Variants in C1orf198 observed in about 807,000 individuals in gnomAD.
C1orf198 encodes the protein chromosome 1 open reading frame 198.
C1orf198 carries 17 observed loss-of-function variants against 31.4 expected under a neutral mutation model. The ratio of observed to expected loss-of-function variants is 0.54; its 90% CI spans 0.37 to 0.81. C1orf198 has a LOEUF of 0.81. C1orf198 is among the 40% of genes least tolerant of loss of function. The pLI is 0.00. For synonymous variants in C1orf198, 175 were observed against 193.8 expected (o/e 0.90, Z 0.81); for missense variants, 401 against 450.3 (o/e 0.89, Z 0.99).
chr1:230,849,703 T>C (rs1038545933), intron 2 of C1orf198, among the ~76,000 whole-genome samples: 2 of 152,234 alleles, frequency 1.3e-5, no homozygotes, highest in Non-Finnish European at 2.9e-5. Flanking sequence ...CAAAACTAAC[T>C]GTTTGGCTTG....
intron 1 of C1orf198, among the ~76,000 whole-genome samples, chr1:230,858,649 G>T (rs905867428): frequency 2.2e-4 from 34 of 152,358 alleles, no homozygotes; most frequent in African/African-American, 8.2e-4. Context: ...GAAAGAGGAA[G>T]TGCATGAACA....
intron 3 of C1orf198, among the ~76,000 whole-genome samples, chr1:230,842,867 A>G (rs1373359298): frequency 1.3e-5 from 2 of 152,248 alleles, no homozygotes; most frequent in East Asian, 3.9e-4. Context: ...CAAGGCAGCC[A>G]GGAGCCCAGC....
intron 2 of C1orf198, among the ~76,000 whole-genome samples, chr1:230,844,918 A>G (rs1002460155): frequency 6.6e-6 from 1 of 152,208 alleles, no homozygotes; most frequent in African/African-American, 2.4e-5. Flanking sequence ...AAATCATTAC[A>G]TGGCAACCTA....
chr1:230,862,871 C>T (rs776016218), intron 1 of C1orf198, among the ~76,000 whole-genome samples: 3 of 152,168 alleles, frequency 2.0e-5, no homozygotes, highest in African/African-American at 7.2e-5. Context: ...GTGGTAACGA[C>T]GTGTCCATGT....
chr1:230,845,234 A>G (rs1300933719), intron 2 of C1orf198, among the ~76,000 whole-genome samples: 3 of 138,466 alleles, frequency 2.2e-5, no homozygotes, highest in African/African-American at 5.2e-5. Flanking sequence ...AAAAAAAAAA[A>G]GGCCAGGCAT....
intron 1 of C1orf198, among the ~76,000 whole-genome samples, chr1:230,865,723 C>T (rs1214031496): frequency 6.6e-6 from 1 of 152,138 alleles, no homozygotes; most frequent in African/African-American, 2.4e-5. Flanking sequence ...TGAACTGAGC[C>T]CCTGACCACA....
At chr1:230,844,731 G>A (rs975158481) in intron 2 of C1orf198, among the ~76,000 whole-genome samples, 11 of 152,144 alleles carry the variant, frequency 7.2e-5, no homozygotes, top group Admixed American at 1.3e-4. Context: ...AGGCCACATC[G>A]CAGCCAGGGT....
chr1:230,856,193 G>A (rs1034036541), intron 1 of C1orf198: 4 of 167,010 alleles, frequency 2.4e-5, no homozygotes, highest in Non-Finnish European at 3.7e-5. Context: ...GGAAAAGAAC[G>A]CCAAGCCATA....
chr1:230,854,827 G>A (rs1353395851), intron 2 of C1orf198, among the ~76,000 whole-genome samples: 2 of 152,110 alleles, frequency 1.3e-5, no homozygotes, highest in African/African-American at 2.4e-5. Flanking sequence ...TGAGGGCTCT[G>A]ATCAGCAATG....
rs1490749508 is a variant in C1orf198 at position 230,843,526 on chromosome 1, T to C, written c.755A>G (p.Gln252Arg). 2 of 1,612,158 alleles carry C rather than the reference T, an allele frequency of 1.2e-6. No homozygotes were observed. Among genetic ancestry groups the C allele is most frequent in the Admixed American group, 3.3e-5 (2 of 59,874 alleles). ...VERPSTLRQE[Q>R]RPLPNVSTER... ...GGTGCTCACGTTGGGAAGAGGACGC[T>C]GCTCCTGACGGAGGGTGCTGGGCCT... The change falls in exon 3 of 4, where the codon CAG (glutamine) becomes CGG (arginine). Residue 252 changes from glutamine to arginine, a missense_variant. Gln to Arg is a conservative substitution (Grantham distance 43). Coordinates refer to ENST00000366663, the MANE Select transcript of C1orf198 (RefSeq NM_032800.3). This position sits in a 1 kb window ranked among gnomAD's most constrained non-coding sequence, Gnocchi z 4.9.
At position 230,843,929 on chromosome 1, in the gene C1orf198, GAA is replaced by G; in HGVS notation, c.385-35_385-34del. Reference sequence around the variant, plus strand: ...GGGACATGAGAAAGGACAGAAAAAAGAAAGAGATCCTGAGAATCGACCGTCAC... The same window carrying G: ...GGGACATGAGAAAGGACAGAAAAAAGAGAGATCCTGAGAATCGACCGTCAC... On this transcript the variant is annotated intron_variant, in intron 2 of 3. Coordinates refer to ENST00000366663, the MANE Select transcript of C1orf198 (RefSeq NM_032800.3). The surrounding 1 kb of genome is among the most constrained non-coding windows in gnomAD (Gnocchi z 4.9). 1.3e-6 allele frequency: 2 copies of G among 1,493,930 alleles called. No homozygotes were observed. Among genetic ancestry groups the G allele is most frequent in the Non-Finnish European group, 1.8e-6 (2 of 1,127,548 alleles). The allele number at this position is 1,493,930 out of a possible 1,614,324, so 92.5% of individuals were successfully genotyped here. A position where few individuals can be genotyped will look rare whatever the true frequency, so the allele number is the denominator to read the frequency against.
chr1:230,862,114 G>A (rs951456151), intron 1 of C1orf198, among the ~76,000 whole-genome samples: 3 of 152,174 alleles, frequency 2.0e-5, no homozygotes, highest in Non-Finnish European at 4.4e-5. Context: ...GGTGGAACAC[G>A]TTGTTCCTGG....
intron 1 of C1orf198, among the ~76,000 whole-genome samples, chr1:230,861,784 C>A (rs920046775): frequency 6.6e-6 from 1 of 152,154 alleles, no homozygotes; most frequent in Non-Finnish European, 1.5e-5. Context: ...ACAAGCTGTT[C>A]CAGGAAAAAC....
At chr1:230,841,372 G>T (rs1048755747) in intron 3 of C1orf198, among the ~76,000 whole-genome samples, 1 of 152,210 alleles carries the variant, frequency 6.6e-6, no homozygotes, top group African/African-American at 2.4e-5. Flanking sequence ...GCCATCTGCC[G>T]AGGGAGGTGT....
chr1:230,863,511 T>C (rs901164642), intron 1 of C1orf198, among the ~76,000 whole-genome samples: 26 of 152,252 alleles, frequency 1.7e-4, no homozygotes, highest in African/African-American at 5.5e-4. Context: ...CCTGTCGCCA[T>C]GCTTCCTGCC....
At chr1:230,868,118 C>T in intron 1 of C1orf198, 62 bp downstream of exon 1, 2 of 1,321,152 alleles carry the variant, frequency 1.5e-6, no homozygotes, top group Non-Finnish European at 1.9e-6. Flanking sequence ...AGGTGCCCAC[C>T]GGGCCGGGGC....
chr1:230,838,849 C>T lies in C1orf198; in HGVS notation c.*1003G>A, dbSNP rs929893144. On this transcript the variant is annotated 3_prime_UTR_variant, in exon 4 of 4. Transcript: ENST00000366663. The surrounding 1 kb of genome is among the most constrained non-coding windows in gnomAD (Gnocchi z 4.2). ...GGCACTGCTGAGTTGACCGCAAACTCCACTCTTCCACTTCTGGTGGTGGTC... is the reference window on the plus strand; with the variant it reads ...GGCACTGCTGAGTTGACCGCAAACTTCACTCTTCCACTTCTGGTGGTGGTC... 1 of 152,450 alleles carries T rather than the reference C, an allele frequency of 6.6e-6. No homozygotes were observed. The highest frequency in any genetic ancestry group is 2.4e-5 in the African/African-American group (1 of 41,462). The allele number at this position is 152,450 out of a possible 1,614,324, so 9.4% of individuals were successfully genotyped here. A position where few individuals can be genotyped will look rare whatever the true frequency, so the allele number is the denominator to read the frequency against.
intron 2 of C1orf198, among the ~76,000 whole-genome samples, chr1:230,851,536 C>A (rs568458562): frequency 5.3e-5 from 8 of 152,284 alleles, no homozygotes; most frequent in African/African-American, 1.9e-4. Context: ...TTTTTCCTCT[C>A]GAAACAGCAG....
intron 2 of C1orf198, among the ~76,000 whole-genome samples, chr1:230,850,685 C>A (rs1383645362): frequency 6.6e-6 from 1 of 150,740 alleles, no homozygotes; most frequent in Non-Finnish European, 1.5e-5. Context: ...AGAGGAAGGG[C>A]AGGAGGGAGG....
Sources: allele counts gnomAD v4.1 joint callset (sites outside exome capture counted in the v4.1 genomes callset), GRCh38; gene constraint gnomAD v4.1.1; non-coding constraint Gnocchi (gnomAD v3.1); transcripts MANE v1.5; gene names NCBI Gene and HGNC (gene_info 2026-07-23, HGNC 2026-07-21).